The following NEK4 variants were observed in gnomAD, a reference collection of about 807,000 sequenced individuals.
The protein encoded by NEK4 is serine/threonine-protein kinase Nek4.
A neutral mutation model predicts 98.4 loss-of-function variants in NEK4; 86 were observed. The observed-to-expected ratio is 0.87, with a 90% CI of 0.73 to 1.05. The LOEUF is 1.05. NEK4 is among the 50% of genes least tolerant of loss of function. The pLI is 0.00. For missense variants in NEK4, 898 were observed against 950.3 expected (o/e 0.94, Z 0.72); for synonymous variants, 328 against 342.2 (o/e 0.96, Z 0.46).
In NEK4 at chr3:52,770,891, C is replaced by A. The variant is rs1235302036; in HGVS notation, c.-145G>T. The A allele has an allele frequency of 1.5e-6, 1 of 659,478 alleles. No homozygotes were observed. Among genetic ancestry groups the A allele is most frequent in the Admixed American group, 2.8e-5 (1 of 35,780 alleles). 40.9% of individuals were successfully genotyped at this position (659,478 alleles called of 1,614,324 possible). ...GGGCCCGGGCGGGATTGCTGGGGCCCGGCCCGCGACGACGCCGCTGCCATA... is the reference window on the plus strand; with the variant it reads ...GGGCCCGGGCGGGATTGCTGGGGCCAGGCCCGCGACGACGCCGCTGCCATA... On this transcript the variant is annotated 5_prime_UTR_variant, in exon 1 of 16. Coordinates refer to ENST00000233027, the MANE Select transcript of NEK4 (RefSeq NM_003157.6).
chr3:52,723,855 A>G (rs1038696511), intron 15 of NEK4, among the ~76,000 whole-genome samples: 2 of 152,202 alleles, frequency 1.3e-5, no homozygotes, highest in African/African-American at 4.8e-5. Context: ...AAAAGACAAA[A>G]TAAATATAAA....
At chr3:52,731,887 G>A (rs534641825) in intron 15 of NEK4, among the ~76,000 whole-genome samples, 1 of 152,184 alleles carries the variant, frequency 6.6e-6, no homozygotes, top group Non-Finnish European at 1.5e-5. Flanking sequence ...TGAATCATGG[G>A]GACGGGTTTT....
rs576733792 is a variant in NEK4 at position 52,732,148 on chromosome 3, T to A, written c.2433+5438A>T. 5.3e-5 allele frequency among the ~76,000 whole-genome samples: 8 copies of A among 152,336 alleles called. No homozygotes were observed. The South Asian group carries it at 1.7e-3, about 32-fold the overall frequency. The stretch of plus-strand genomic sequence containing the variant: ...AGTGTGAGAACAGACTAACACATGC[T>A]GGGATTACAGGCATGAGCCACCCAG... On this transcript the variant is annotated intron_variant, in intron 15 of 15. Coordinates refer to ENST00000233027, the MANE Select transcript of NEK4 (RefSeq NM_003157.6).
intron 6 of NEK4, chr3:52,753,547 TC>T (rs1316136717): frequency 3.8e-6 from 2 of 523,042 alleles, no homozygotes; most frequent in African/African-American, 3.9e-5. Flanking sequence ...CTGGAGCATG[TC>T]TACAAGCTCT....
intron 6 of NEK4, 125 bp from the exon 7 acceptor site, chr3:52,752,461 C>T: frequency 1.2e-6 from 1 of 840,494 alleles, no homozygotes; most frequent in South Asian, 1.7e-5. Flanking sequence ...TCAGCAATTC[C>T]ACTCCTAAGT....
At chr3:52,712,155 A>C (rs2097351030) in intron 15 of NEK4, among the ~76,000 whole-genome samples, 1 of 152,250 alleles carries the variant, frequency 6.6e-6, no homozygotes, top group African/African-American at 2.4e-5. Context: ...AAAACCCAAC[A>C]ATATTAGAAT....
At chr3:52,733,874 G>A in intron 15 of NEK4, 1 of 307,832 alleles carries the variant, frequency 3.2e-6, no homozygotes, top group Non-Finnish European at 6.4e-6. Context: ...GCAAAAATGT[G>A]GCAAAGTCTT....
At chr3:52,727,539 G>A (rs1420580312) in intron 15 of NEK4, among the ~76,000 whole-genome samples, 1 of 152,114 alleles carries the variant, frequency 6.6e-6, no homozygotes, top group Non-Finnish European at 1.5e-5. Context: ...GTGGTAGTGT[G>A]ACCTCGGCTC....
chr3:52,711,906 A>G (rs749594329), intron 15 of NEK4, 37 bp from the exon 16 acceptor site: 2 of 1,195,182 alleles, frequency 1.7e-6, no homozygotes, highest in Non-Finnish European at 2.4e-6. Flanking sequence ...ATCAGTATGT[A>G]GTAGGAAAAA....
intron 15 of NEK4, among the ~76,000 whole-genome samples, chr3:52,719,872 C>A (rs1260419782): frequency 6.6e-6 from 1 of 151,998 alleles, no homozygotes; most frequent in Admixed American, 6.6e-5. Context: ...AGAAATTATG[C>A]AATCCAAATA....
At chr3:52,741,382 TA>T in intron 13 of NEK4, 28 bp downstream of exon 13, 1 of 1,295,948 alleles carries the variant, frequency 7.7e-7, no homozygotes, top group Non-Finnish European at 1.1e-6. Flanking sequence ...AAATAGTTTA[TA>T]AAGGGAGACA....
chr3:52,733,054 C>G (rs549459834), intron 15 of NEK4: 2 of 192,734 alleles, frequency 1.0e-5, no homozygotes, highest in Admixed American at 5.3e-5. Flanking sequence ...GAAATGATTT[C>G]ATTGATTTCC....
chr3:52,765,859 G>T, intron 4 of NEK4, 28 bp downstream of exon 4: 1 of 1,342,706 alleles, frequency 7.4e-7, no homozygotes, highest in Non-Finnish European at 1.1e-6. Flanking sequence ...TAGAAATACT[G>T]GTCAATTAGT....
At chr3:52,768,250 A>C in intron 2 of NEK4, 88 bp downstream of exon 2, 1 of 1,201,212 alleles carries the variant, frequency 8.3e-7, no homozygotes, top group East Asian at 2.4e-5. Flanking sequence ...TCTATATGTA[A>C]GTATCTGAAG....
chr3:52,763,051 A>C (rs1366810456), intron 5 of NEK4, among the ~76,000 whole-genome samples: 1 of 152,220 alleles, frequency 6.6e-6, no homozygotes, highest in Non-Finnish European at 1.5e-5. Context: ...AGAATTCTAT[A>C]AACAGACCTT....
chr3:52,718,540 C>G (rs546441285), intron 15 of NEK4, among the ~76,000 whole-genome samples: 14 of 151,440 alleles, frequency 9.2e-5, no homozygotes, highest in African/African-American at 2.9e-4. Context: ...ACAATCCCTA[C>G]AGGGATAGTT....
chr3:52,761,410 CT>C (rs1016661351), intron 5 of NEK4, among the ~76,000 whole-genome samples: 1 of 152,142 alleles, frequency 6.6e-6, no homozygotes, highest in Non-Finnish European at 1.5e-5. Context: ...TCCCGAGTAG[CT>C]GGGACTACAG....
At chr3:52,747,005 G>GAA in intron 8 of NEK4, 101 bp from the exon 9 acceptor site, 1 of 877,202 alleles carries the variant, frequency 1.1e-6, no homozygotes, top group South Asian at 1.7e-5. Flanking sequence ...TTTTTAGCAT[G>GAA]AAAACTTTCC....
Position 52,739,494 on chromosome 3 carries a change from G to A in NEK4, c.2234C>T (p.Thr745Ile). The change falls in exon 14 of 16, where the codon ACA becomes ATA. Residue 745 changes from threonine to isoleucine, a missense_variant. Transcript: ENST00000233027. ...EFKLHRKYRD[T>I]LILHGKVAEE... The stretch of plus-strand genomic sequence containing the variant: ...TGCAACCTTCCCATGAAGTATCAGT[G>A]TGTCCCGATATTTCCGATGAAGTTT... 2 of 1,614,114 alleles carry A rather than the reference G, an allele frequency of 1.2e-6. No individual in the cohort carries two copies. Among genetic ancestry groups the A allele is most frequent in the Non-Finnish European group, 8.5e-7 (1 of 1,179,970 alleles).
Sources: allele counts gnomAD v4.1 joint callset (sites outside exome capture counted in the v4.1 genomes callset), GRCh38; gene constraint gnomAD v4.1.1; transcripts MANE v1.5; gene names NCBI Gene and HGNC (gene_info 2026-07-23, HGNC 2026-07-21).